Variants in KNL1 observed in about 807,000 individuals in gnomAD.
The protein encoded by KNL1 is kinetochore scaffold 1, also known as outer kinetochore KNL1 complex subunit KNL1.
Under a neutral mutation model 201.3 loss-of-function variants are expected in KNL1, and 66 were observed. That is an observed-to-expected ratio of 0.33 (90% confidence interval 0.27 to 0.40). The LOEUF (loss-of-function observed/expected upper bound fraction) is 0.40, where lower values mean the gene tolerates loss of function less well. Among genes scored for constraint, KNL1 ranks in the 10% least tolerant of loss-of-function variants. KNL1 has a pLI of 1.00. For missense variants in KNL1, 2,815 were observed against 2,690.5 expected (o/e 1.05, Z -1.02); for synonymous variants, 895 against 899.2 (o/e 1.00, Z 0.08).
chr15:40,603,826 C>G (rs905101802), intron 2 of KNL1, among the ~76,000 whole-genome samples: 26 of 152,334 alleles, frequency 1.7e-4, no homozygotes, highest in African/African-American at 6.0e-4. Context: ...GTTCTGCACT[C>G]ATATTTATAC....
At chr15:40,659,279 G>GA in intron 24 of KNL1, 60 bp from the exon 25 acceptor site, 1 of 1,198,860 alleles carries the variant, frequency 8.3e-7, no homozygotes, top group Non-Finnish European at 1.1e-6. Flanking sequence ...AAAAAAAAAA[G>GA]AAATTGTGTT....
intron 13 of KNL1, 124 bp downstream of exon 13, chr15:40,629,495 CTTT>C: frequency 3.2e-3 from 559 of 174,918 alleles, no homozygotes; most frequent in Middle Eastern, 7.4e-3. Context: ...TTTGCCTTTT[CTTT>C]TTTTTTTTTT....
intron 19 of KNL1, among the ~76,000 whole-genome samples, chr15:40,650,927 G>GAA (rs1893537763): frequency 6.6e-6 from 1 of 151,964 alleles, no homozygotes; most frequent in African/African-American, 2.4e-5. Context: ...AAAGTAAATA[G>GAA]AAATAATGAC....
intron 5 of KNL1, 88 bp downstream of exon 5, chr15:40,608,996 C>A: frequency 1.2e-6 from 1 of 824,854 alleles, no homozygotes. Context: ...CTTGAATAAT[C>A]TGTTTTGATT....
intron 7 of KNL1, among the ~76,000 whole-genome samples, chr15:40,613,640 C>T (rs1892245029): frequency 6.6e-6 from 1 of 152,000 alleles, no homozygotes; most frequent in Non-Finnish European, 1.5e-5. Context: ...GGGTTTCGCT[C>T]TTGTTGGCCA....
Position 40,622,330 on chromosome 15 carries a change from T to A in KNL1, c.2066T>A (p.Val689Glu). 1.2e-6 allele frequency: 2 copies of A among 1,613,892 alleles called. No homozygotes were observed. The highest frequency in any genetic ancestry group is 1.7e-6 in the Non-Finnish European group (2 of 1,179,816). Residue 689 changes from valine to glutamate, a missense_variant, in exon 10 of 26, where the codon GTA (valine) becomes GAA (glutamate). Transcript: ENST00000399668. ...AAACAAATAACTAATAGAAATACAG[T>A]ATCATGGGAACAATCTTTGTTTTCT... ...LDKQITNRNT[V>E]SWEQSLFSTT...
chr15:40,623,252 T>C lies in KNL1; in HGVS notation c.2988T>C (p.Ser996=). 6.2e-7 allele frequency: 1 copy of C among 1,613,662 alleles called. No homozygotes were observed. Among genetic ancestry groups the C allele is most frequent in the Non-Finnish European group, 8.5e-7 (1 of 1,179,830 alleles). ...PTVICTPTEE[S]VFFPGNGESD... ...TGATATGTACTCCTACTGAGGAGAG[T>C]GTTTTCTTTCCAGGAAATGGTGAAA... is the stretch of plus-strand genomic sequence containing the variant. The change falls in exon 10 of 26, where the codon AGT becomes AGC. Residue 996 remains serine, a synonymous_variant. Transcript: ENST00000399668.
intron 14 of KNL1, among the ~76,000 whole-genome samples, chr15:40,644,678 T>C (rs911801425): frequency 1.3e-5 from 2 of 152,240 alleles, no homozygotes; most frequent in African/African-American, 4.8e-5. Flanking sequence ...TTATTGAGAC[T>C]AGAGAATAGC....
chr15:40,641,103 A>G (rs1893216496), intron 14 of KNL1, 76 bp downstream of exon 14: 3 of 973,608 alleles, frequency 3.1e-6, no homozygotes, highest in Non-Finnish European at 4.7e-6. Context: ...TAAGGTTTTG[A>G]TTAGAATAAT....
intron 25 of KNL1, among the ~76,000 whole-genome samples, chr15:40,659,847 T>C (rs2141770621): frequency 6.6e-6 from 1 of 151,648 alleles, no homozygotes; most frequent in Middle Eastern, 3.4e-3. Context: ...TAGTGGACCA[T>C]AGTGAGAGCT....
intron 21 of KNL1, 64 bp downstream of exon 21, chr15:40,652,169 C>T (rs1018015672): frequency 3.8e-6 from 4 of 1,058,592 alleles, no homozygotes; most frequent in Non-Finnish European, 4.4e-6. Context: ...ACTAAAGATT[C>T]AAATCTTTAT....
intron 7 of KNL1, among the ~76,000 whole-genome samples, 185 bp from the exon 8 acceptor site, chr15:40,615,155 CT>C (rs1892297538): frequency 6.6e-6 from 1 of 151,960 alleles, no homozygotes; most frequent in African/African-American, 2.4e-5. Flanking sequence ...TTAGATGAGT[CT>C]TTTTTTAAAA....
chr15:40,614,697 CTA>C (rs1892285056), intron 7 of KNL1, among the ~76,000 whole-genome samples: 1 of 152,132 alleles, frequency 6.6e-6, no homozygotes, highest in African/African-American at 2.4e-5. Context: ...ATAGCACTTT[CTA>C]TGTTATTACA....
chr15:40,622,656 A>T lies in KNL1; in HGVS notation c.2392A>T (p.Asn798Tyr). 1 of 1,592,374 alleles carries T rather than the reference A, an allele frequency of 6.3e-7. No homozygotes were observed. The highest frequency in any genetic ancestry group is 1.1e-5 in the South Asian group (1 of 87,168). ...EHTTGQLTTM[N>Y]RQIAVKVEKC... ...CACTACTGGCCAGCTAACAACAATG[A>T]ACAGACAGATAGCTGTAAAAGTTGA... Residue 798 changes from asparagine to tyrosine, a missense_variant, in exon 10 of 26, where the codon AAC (asparagine) becomes TAC (tyrosine). Asn to Tyr is a moderately radical substitution (Grantham distance 143). Transcript: ENST00000399668.
intron 1 of KNL1, among the ~76,000 whole-genome samples, chr15:40,596,758 T>C (rs1891631086): frequency 6.6e-6 from 1 of 151,546 alleles, no homozygotes; most frequent in African/African-American, 2.4e-5. Context: ...CCCAGCACTT[T>C]GGGAGGCCGA....
At position 40,621,121 on chromosome 15, in the gene KNL1, G is replaced by T. The variant is rs199908003; in HGVS notation, c.857G>T (p.Cys286Phe). 2 of 1,613,710 alleles carry T rather than the reference G, an allele frequency of 1.2e-6. No individual in the cohort carries two copies. Among genetic ancestry groups the T allele is most frequent in the Non-Finnish European group, 1.7e-6 (2 of 1,179,896 alleles). Residue 286 changes from cysteine to phenylalanine, a missense_variant, in exon 10 of 26, where the codon TGT becomes TTT. By Grantham distance (205) the Cys-to-Phe change is radical. Coordinates refer to ENST00000399668, the MANE Select transcript of KNL1 (RefSeq NM_144508.5). ...GATGATGGGATGAATTTCACCCAGT[G>T]TCATACAGCCAATATTCAGACATTG... ...EKDDGMNFTQCHTANIQTLIP... is the reference protein window; with the variant it reads ...EKDDGMNFTQFHTANIQTLIP...
In KNL1 at chr15:40,619,325, C is replaced by T. The variant is rs946654826; in HGVS notation, c.375+314C>T. Among the ~76,000 whole-genome samples the T allele has an allele frequency of 3.3e-5, 5 of 150,074 alleles. No homozygotes were observed. In the South Asian group the frequency reaches 1.1e-3, roughly 32 times the overall value. ...GTAGCAAAGAGTTAATCTGTGTCCT[C>T]ACTGAGAAAACTGTTGTAGCACACA... On this transcript the variant is annotated intron_variant, in intron 9 of 25. Transcript: ENST00000399668.
intron 22 of KNL1, among the ~76,000 whole-genome samples, chr15:40,656,028 A>T (rs1893720509): frequency 6.6e-6 from 1 of 152,180 alleles, no homozygotes; most frequent in Non-Finnish European, 1.5e-5. Flanking sequence ...CATGTGTATT[A>T]CTTAAATTAA....
chr15:40,632,612 G>A (rs1311001538), intron 13 of KNL1, among the ~76,000 whole-genome samples: 3 of 151,946 alleles, frequency 2.0e-5, no homozygotes, highest in Admixed American at 1.3e-4. Context: ...AAAAAAAAAC[G>A]AAGAAAGTGA....
Sources: allele counts gnomAD v4.1 joint callset (sites outside exome capture counted in the v4.1 genomes callset), GRCh38; gene constraint gnomAD v4.1.1; transcripts MANE v1.5; gene names NCBI Gene and HGNC (gene_info 2026-07-23, HGNC 2026-07-21).